The following CAMTA1 variants were observed in gnomAD, a reference collection of about 807,000 sequenced individuals.
CAMTA1 encodes calmodulin binding transcription activator 1.
Under a neutral mutation model 170.9 loss-of-function variants are expected in CAMTA1, and 27 were observed. That is an observed-to-expected ratio of 0.16 (90% CI 0.12 to 0.22). The LOEUF is 0.22. CAMTA1 is among the 10% of genes least tolerant of loss of function. The probability of loss-of-function intolerance (pLI) is 1.00; values close to 1 mark genes in which losing one functional copy is unlikely to be tolerated. For missense variants in CAMTA1, 1,619 were observed against 2,217.2 expected, an observed-to-expected ratio of 0.73 and a Z score of 5.42; for synonymous variants, 833 against 891.5, an observed-to-expected ratio of 0.93 and a Z score of 1.17.
intron 6 of CAMTA1, among the ~76,000 whole-genome samples, chr1:7,613,746 G>A (rs1409638517): frequency 1.0e-4 from 15 of 149,306 alleles, no homozygotes; most frequent in South Asian, 2.2e-4. Flanking sequence ...GGCCGGACCC[G>A]GAGGAGTAGG....
At chr1:6,946,028 G>C (rs954328640) in intron 3 of CAMTA1, among the ~76,000 whole-genome samples, 1 of 152,150 alleles carries the variant, frequency 6.6e-6, no homozygotes, top group Non-Finnish European at 1.5e-5. Context: ...ATACCTAAGA[G>C]TGAAATTGCT....
chr1:7,713,315 A>G (rs2096585492), intron 11 of CAMTA1, among the ~76,000 whole-genome samples: 2 of 152,194 alleles, frequency 1.3e-5, no homozygotes, highest in African/African-American at 2.4e-5. Flanking sequence ...GAGGAAGAGT[A>G]TGGACCAAGA....
Position 7,021,324 on chromosome 1 carries a change from G to A in CAMTA1, c.235-69980G>A, listed in dbSNP as rs147117089. Among the ~76,000 whole-genome samples the A allele has an allele frequency of 3.2e-3, 483 of 152,360 alleles. 4 individuals carry two copies. Among genetic ancestry groups the A allele is most frequent in the African/African-American group, 0.011 (460 of 41,592 alleles). On this transcript the variant is annotated intron_variant, in intron 3 of 22. Coordinates refer to ENST00000303635, the MANE Select transcript of CAMTA1 (RefSeq NM_015215.4). ...GAGCCTGCACCTGAACCGGGAGTCT[G>A]GAGCCACTGGAAACAGTGGGTGCCT...
intron 3 of CAMTA1, among the ~76,000 whole-genome samples, chr1:6,972,754 C>T (rs1192585813): frequency 6.6e-6 from 1 of 152,172 alleles, no homozygotes; most frequent in Non-Finnish European, 1.5e-5. Context: ...ACAGCCTGAA[C>T]CTAATTGTTT....
At chr1:7,727,289 A>AT (rs1480143556) in intron 11 of CAMTA1, among the ~76,000 whole-genome samples, 2 of 151,884 alleles carry the variant, frequency 1.3e-5, no homozygotes, top group African/African-American at 4.8e-5. Flanking sequence ...CACCCGGCTA[A>AT]TTTTTTGTAT....
chr1:7,753,973 T>G (rs2096914849), intron 21 of CAMTA1, among the ~76,000 whole-genome samples: 1 of 152,204 alleles, frequency 6.6e-6, no homozygotes, highest in African/African-American at 2.4e-5. Context: ...GCAGCCTCTT[T>G]CCTTTATTAT....
At chr1:6,993,804 T>A (rs891457703) in intron 3 of CAMTA1, among the ~76,000 whole-genome samples, 1 of 152,194 alleles carries the variant, frequency 6.6e-6, no homozygotes, top group Non-Finnish European at 1.5e-5. Context: ...ATTCTGACAA[T>A]CTCTGTTTTT....
intron 5 of CAMTA1, among the ~76,000 whole-genome samples, chr1:7,392,590 T>C (rs28783809): frequency 0.9 from 133,456 of 148,464 alleles, 59,236 homozygotes; most frequent in East Asian, 0.99. Flanking sequence ...TTTAATTAGC[T>C]GGAGGTGGGC....
intron 5 of CAMTA1, among the ~76,000 whole-genome samples, chr1:7,263,098 T>C (rs892433441): frequency 6.6e-5 from 10 of 152,138 alleles, no homozygotes; most frequent in East Asian, 1.9e-4. Context: ...ATTTTTTTTT[T>C]CCCTTTCATA....
rs1350442053 is a variant in CAMTA1 at position 7,310,702 on chromosome 1, CTTTCTTTCTT to C, written c.438+61078_438+61087del. ...TTTCTCTCTCTCTCTCTCTCTCTCT[CTTTCTTTCTT>C]TCTTTCTTTCTTTCTTTCTTTCTTT... On this transcript the variant is annotated intron_variant, in intron 5 of 22. Coordinates refer to ENST00000303635, the MANE Select transcript of CAMTA1 (RefSeq NM_015215.4). Among the ~76,000 whole-genome samples, 453 of 48,752 alleles carry C rather than the reference CTTTCTTTCTT, an allele frequency of 9.3e-3. 39 individuals carry two copies. Among genetic ancestry groups the C allele is most frequent in the African/African-American group, 0.031 (303 of 9,700 alleles). 32.0% of individuals were successfully genotyped at this position (48,752 alleles called of 152,430 possible).
chr1:7,449,152 C>A (rs1275369296), intron 5 of CAMTA1, among the ~76,000 whole-genome samples: 1 of 152,214 alleles, frequency 6.6e-6, no homozygotes, highest in Non-Finnish European at 1.5e-5. Flanking sequence ...GAAGCTGACC[C>A]TGGGAGCATG....
At chr1:7,130,502 GTATATTGAACTT>G (rs1219774217) in intron 4 of CAMTA1, among the ~76,000 whole-genome samples, 2 of 152,168 alleles carry the variant, frequency 1.3e-5, no homozygotes, top group East Asian at 3.8e-4. Context: ...TGTATGGGAA[GTATATTGAACTT>G]TATATGAAAC....
rs1206619737 is a variant in CAMTA1, at chr1:7,588,139, G to A, written c.511-52261G>A. ...GCTATGGGACTAGACCCCAGGGCTG[G>A]GATCCCACAGAAAGTCACAGGCCCT... On this transcript the variant is annotated intron_variant, in intron 6 of 22. Coordinates refer to ENST00000303635, the MANE Select transcript of CAMTA1 (RefSeq NM_015215.4). This position sits in a 1 kb window ranked among gnomAD's most constrained non-coding sequence, Gnocchi z 5.8. 2.6e-5 allele frequency among the ~76,000 whole-genome samples: 4 copies of A among 152,070 alleles called. No individual in the cohort carries two copies. The highest frequency in any genetic ancestry group is 2.6e-4 in the Admixed American group (4 of 15,284).
intron 6 of CAMTA1, among the ~76,000 whole-genome samples, chr1:7,491,824 T>C (rs78656731): frequency 0.018 from 2,676 of 152,352 alleles, 34 homozygotes; most frequent in Non-Finnish European, 0.028. Flanking sequence ...GAGCTTCCTC[T>C]GGGTTTGTTT....
At position 7,738,635 on chromosome 1, in the gene CAMTA1, T is replaced by C. The variant is rs1465666894; in HGVS notation, c.4182+153T>C. Among the ~76,000 whole-genome samples, 2 of 152,188 alleles carry C rather than the reference T, an allele frequency of 1.3e-5. No individual in the cohort carries two copies. Among genetic ancestry groups the C allele is most frequent in the South Asian group, 2.1e-4 (1 of 4,832 alleles). On this transcript the variant is annotated intron_variant, in intron 16 of 22. Coordinates refer to ENST00000303635, the MANE Select transcript of CAMTA1 (RefSeq NM_015215.4). The surrounding 1 kb of genome is among the most constrained non-coding windows in gnomAD (Gnocchi z 4.9). ...AACATCGTTGGAGTATCTTCTTTCC[T>C]TGGGGCCACATTTTCATTCGGTGAA... is the stretch of plus-strand genomic sequence containing the variant.
At chr1:7,344,748 C>CTTT (rs70984076) in intron 5 of CAMTA1, among the ~76,000 whole-genome samples, 5 of 142,590 alleles carry the variant, frequency 3.5e-5, no homozygotes, top group Non-Finnish European at 1.5e-5. Flanking sequence ...CTGCTCAAGT[C>CTTT]TTTTTTTTTT....
chr1:7,372,054 C>G (rs2086515081), intron 5 of CAMTA1, among the ~76,000 whole-genome samples: 1 of 152,214 alleles, frequency 6.6e-6, no homozygotes, highest in African/African-American at 2.4e-5. Context: ...CCTGCCCCAC[C>G]CGGGCTCTGA....
intron 5 of CAMTA1, among the ~76,000 whole-genome samples, chr1:7,327,714 G>C (rs1205990951): frequency 6.6e-6 from 1 of 152,102 alleles, no homozygotes. Context: ...GACTGTTTAT[G>C]TTTTCTCTCC....
intron 5 of CAMTA1, among the ~76,000 whole-genome samples, chr1:7,270,844 TAA>T (rs912390663): frequency 2.5e-4 from 38 of 152,318 alleles, no homozygotes; most frequent in Non-Finnish European, 4.9e-4. Flanking sequence ...TAAGTAAATA[TAA>T]GATACTTTTA....
Sources: allele counts gnomAD v4.1 joint callset (sites outside exome capture counted in the v4.1 genomes callset), GRCh38; gene constraint gnomAD v4.1.1; non-coding constraint Gnocchi (gnomAD v3.1); transcripts MANE v1.5; gene names NCBI Gene and HGNC (gene_info 2026-07-23, HGNC 2026-07-21).